FOLH1: variants seen among roughly 807,000 people sequenced by gnomAD.
FOLH1 encodes the protein folate hydrolase 1.
A neutral mutation model predicts 93.9 loss-of-function variants in FOLH1; 54 were observed. The ratio of observed to expected loss-of-function variants is 0.57; its 90% CI spans 0.46 to 0.72. The LOEUF is 0.72. Ranked by LOEUF, FOLH1 falls within the 30% of genes least tolerant of loss-of-function variation. The pLI, the probability that FOLH1 is intolerant of heterozygous loss-of-function variation, is 0.00. For synonymous variants in FOLH1, 249 were observed against 303.6 expected, an observed-to-expected ratio of 0.82 and a Z score of 1.87; for missense variants, 571 against 892.5, an observed-to-expected ratio of 0.64 and a Z score of 4.59.
At chr11:49,162,186 G>A (rs1280940458) in intron 13 of FOLH1, among the ~76,000 whole-genome samples, 1 of 151,960 alleles carries the variant, frequency 6.6e-6, no homozygotes, top group Non-Finnish European at 1.5e-5. Flanking sequence ...GCTATGTTGG[G>A]AAAGTTCTCA....
chr11:49,181,941 G>A (rs567203466), intron 7 of FOLH1, among the ~76,000 whole-genome samples: 1 of 152,100 alleles, frequency 6.6e-6, no homozygotes, highest in Non-Finnish European at 1.5e-5. Context: ...TAGTAAGAAA[G>A]GCTTGAACTT....
intron 13 of FOLH1, among the ~76,000 whole-genome samples, chr11:49,164,346 A>G (rs2135005026): frequency 6.6e-6 from 1 of 152,324 alleles, no homozygotes; most frequent in East Asian, 1.9e-4. Flanking sequence ...TATACTGAAG[A>G]GTATAAACAA....
chr11:49,165,662 C>A (rs534029305), intron 12 of FOLH1, among the ~76,000 whole-genome samples: 1 of 152,110 alleles, frequency 6.6e-6, no homozygotes, highest in Non-Finnish European at 1.5e-5. Flanking sequence ...ATAGCCTGTG[C>A]GAATGCCCAG....
intron 3 of FOLH1, among the ~76,000 whole-genome samples, chr11:49,194,149 A>AG (rs1277078275): frequency 6.6e-6 from 1 of 151,736 alleles, no homozygotes; most frequent in African/African-American, 2.4e-5. Flanking sequence ...AAAAAAAAAA[A>AG]AAAAAAGAAC....
chr11:49,205,586 A>G (rs1375783467), intron 2 of FOLH1, among the ~76,000 whole-genome samples: 1 of 152,248 alleles, frequency 6.6e-6, no homozygotes, highest in Non-Finnish European at 1.5e-5. Context: ...TAAAGCATTA[A>G]TCAGCAAACT....
chr11:49,196,067 T>C (rs1862585902), intron 3 of FOLH1, among the ~76,000 whole-genome samples: 1 of 152,068 alleles, frequency 6.6e-6, no homozygotes, highest in Non-Finnish European at 1.5e-5. Flanking sequence ...GGTGGGAGAA[T>C]TGCTTGAACC....
At chr11:49,207,758 G>A (rs1864134252) in intron 1 of FOLH1, 1 of 399,242 alleles carries the variant, frequency 2.5e-6, no homozygotes, top group African/African-American at 2.1e-5. Flanking sequence ...AAGAGTCTGA[G>A]CTTGCCTGTG....
intron 4 of FOLH1, 92 bp from the exon 5 acceptor site, chr11:49,186,861 A>G (rs1861444530): frequency 1.4e-6 from 2 of 1,407,990 alleles, no homozygotes; most frequent in Non-Finnish European, 1.9e-6. Context: ...GAAAGAGGGA[A>G]GAGGTCAGAG....
chr11:49,146,563 T>C lies in FOLH1; in HGVS notation c.*193A>G. The C allele has an allele frequency of 1.9e-6, 1 of 533,918 alleles. No homozygotes were observed. Among genetic ancestry groups the C allele is most frequent in the East Asian group, 3.6e-5 (1 of 27,970 alleles). The allele number at this position is 533,918 out of a possible 1,614,324, so 33.1% of individuals were successfully genotyped here. ...ACTTCAGAATAACCTCTTATAATTA[T>C]GAAATTCAGTTTTAATCCATAGGGA... On this transcript the variant is annotated 3_prime_UTR_variant, in exon 19 of 19. Coordinates refer to ENST00000256999, the MANE Select transcript of FOLH1 (RefSeq NM_004476.3).
rs1333375724 is a variant in FOLH1 at position 49,146,206 on chromosome 11, T to C, written c.*550A>G. 1.3e-5 allele frequency among the ~76,000 whole-genome samples: 2 copies of C among 152,214 alleles called. No homozygotes were observed. The highest frequency in any genetic ancestry group is 2.1e-4 in the South Asian group (1 of 4,838). On this transcript the variant is annotated 3_prime_UTR_variant, in exon 19 of 19. Coordinates refer to ENST00000256999, the MANE Select transcript of FOLH1 (RefSeq NM_004476.3). ...CAAGTGTTCATTTAATTACTATACATATATTTTATACTATAGCCTTTTATA... is the reference window on the plus strand; with the variant it reads ...CAAGTGTTCATTTAATTACTATACACATATTTTATACTATAGCCTTTTATA...
At chr11:49,182,126 C>T (rs939061565) in intron 7 of FOLH1, among the ~76,000 whole-genome samples, 4 of 151,786 alleles carry the variant, frequency 2.6e-5, no homozygotes, top group South Asian at 2.1e-4. Context: ...GTCAGGAGTT[C>T]GAGACCAGCC....
rs774899532 is a variant in FOLH1, at chr11:49,174,847, T to C, written c.1105+45A>G. On this transcript the variant is annotated intron_variant, in intron 9 of 18. Transcript: ENST00000256999. ...CCAGAGCTTGGTAGTATCCAGCACA[T>C]AACAGTTACTTGATCAATATTTGCT... is the stretch of plus-strand genomic sequence containing the variant. 2.7e-6 allele frequency: 4 copies of C among 1,462,800 alleles called. No individual in the cohort carries two copies. In the East Asian group the frequency reaches 9.1e-5, roughly 33 times the overall value. 90.6% of individuals were successfully genotyped at this position (1,462,800 alleles called of 1,614,324 possible).
At chr11:49,148,971 T>G (rs768764082) in intron 17 of FOLH1, among the ~76,000 whole-genome samples, 2 of 152,130 alleles carry the variant, frequency 1.3e-5, no homozygotes, top group Non-Finnish European at 2.9e-5. Context: ...AGGGTACATG[T>G]GCACAACGTG....
chr11:49,173,113 A>G (rs1859557660), intron 10 of FOLH1, among the ~76,000 whole-genome samples: 1 of 152,188 alleles, frequency 6.6e-6, no homozygotes, highest in Non-Finnish European at 1.5e-5. Context: ...AAGAACAACC[A>G]TTAACAGTAT....
chr11:49,171,894 C>T (rs1017085084), intron 10 of FOLH1, among the ~76,000 whole-genome samples: 7 of 151,960 alleles, frequency 4.6e-5, no homozygotes, highest in Admixed American at 2.0e-4. Flanking sequence ...TCACTAGCAG[C>T]GTGACTGAGG....
chr11:49,175,995 A>T, intron 7 of FOLH1, 38 bp from the exon 8 acceptor site: 2 of 1,589,672 alleles, frequency 1.3e-6, no homozygotes, highest in Non-Finnish European at 1.7e-6. Context: ...CCACAAAAAA[A>T]CCTTGAAGTA....
At chr11:49,184,721 A>T (rs1454603548) in intron 6 of FOLH1, among the ~76,000 whole-genome samples, 1 of 152,268 alleles carries the variant, frequency 6.6e-6, no homozygotes, top group African/African-American at 2.4e-5. Context: ...TGTCATAGAA[A>T]ACTTGGCAAA....
rs1348055003 is a variant in FOLH1 at position 49,146,925 on chromosome 11, C to T, written c.2084G>A (p.Ser695Asn). The stretch of plus-strand genomic sequence containing the variant: ...CTCCCCTGCATACTTGTTGTGGCTG[C>T]TTGGAGCATAGATGACATGCCTGTT... ...PFYRHVIYAPSSHNKYAGESF... is the reference protein window; with the variant it reads ...PFYRHVIYAPNSHNKYAGESF... The change falls in exon 19 of 19, where the codon AGC becomes AAC. Residue 695 changes from serine to asparagine, a missense_variant. Physicochemically the swap from Ser to Asn is conservative, Grantham distance 46 (BLOSUM62 1). Transcript: ENST00000256999. The T allele has an allele frequency of 3.0e-5, 48 of 1,612,078 alleles. No individual in the cohort carries two copies. Among genetic ancestry groups the T allele is most frequent in the Non-Finnish European group, 4.0e-5 (47 of 1,179,018 alleles).
At chr11:49,184,327 T>C (rs1197193235) in intron 6 of FOLH1, among the ~76,000 whole-genome samples, 2 of 152,106 alleles carry the variant, frequency 1.3e-5, no homozygotes, top group Non-Finnish European at 2.9e-5. Context: ...AAAATAAAAA[T>C]GTATAGAGCA....
Sources: allele counts gnomAD v4.1 joint callset (sites outside exome capture counted in the v4.1 genomes callset), GRCh38; gene constraint gnomAD v4.1.1; transcripts MANE v1.5; gene names NCBI Gene and HGNC (gene_info 2026-07-23, HGNC 2026-07-21).